Variants in ZNF235 observed in about 807,000 individuals in gnomAD.
ZNF235 encodes the protein zfp-93.
Under a neutral mutation model 29.4 loss-of-function variants are expected in ZNF235, and 25 were observed. The ratio of observed to expected loss-of-function variants is 0.85; its 90% CI spans 0.62 to 1.19. The LOEUF is 1.19. Ranked by LOEUF, ZNF235 falls within the 50% of genes most tolerant of loss-of-function variation. The pLI is 0.00. For synonymous variants in ZNF235, 300 were observed against 295.3 expected (o/e 1.02, Z -0.16); for missense variants, 788 against 885.0 (o/e 0.89, Z 1.39).
Position 44,287,593 on chromosome 19 carries a change from A to T in ZNF235, c.1842T>A (p.Leu614=), listed in dbSNP as rs763162176. 14 of 1,613,974 alleles carry T rather than the reference A, an allele frequency of 8.7e-6. No homozygotes were observed. The African/African-American group carries it at 1.2e-4, about 14-fold the overall frequency. ...CQKRFSQASH[L]QAHQRVHTGE... is the part of the protein sequence containing the mutation. The stretch of plus-strand genomic sequence containing the variant: ...CGGTGTGGACTCTCTGATGGGCTTG[A>T]AGGTGTGAGGCCTGACTGAATCGCT... Residue 614 remains leucine (L), a synonymous_variant, in exon 5 of 5, where the codon CTT becomes CTA. Transcript: ENST00000291182.
intron 2 of ZNF235, among the ~76,000 whole-genome samples, chr19:44,301,828 T>G (rs1041694842): frequency 1.3e-5 from 2 of 152,156 alleles, no homozygotes; most frequent in Non-Finnish European, 2.9e-5. Context: ...CAGCTGGGCA[T>G]TGAGTGGACT....
chr19:44,297,755 G>A (rs573355538), intron 4 of ZNF235, among the ~76,000 whole-genome samples: 5 of 152,190 alleles, frequency 3.3e-5, no homozygotes, highest in South Asian at 4.1e-4. Flanking sequence ...GAGCCACCGC[G>A]CCCAGCTGGA....
In ZNF235 at chr19:44,288,232, T is replaced by C. The variant is rs1339076297; in HGVS notation, c.1203A>G (p.Lys401=). The change falls in exon 5 of 5, where the codon AAA becomes AAG. Residue 401 remains lysine, a synonymous_variant. Coordinates refer to ENST00000291182, the MANE Select transcript of ZNF235 (RefSeq NM_004234.4). ...NIHCRVHTGE[K]PYKCEVCGKG... is the part of the protein sequence containing the mutation. ...TCCCACACACCTCACATTTATAAGG[T>C]TTCTCTCCAGTGTGAACTCTGCAAT... 5 of 1,613,984 alleles carry C rather than the reference T, an allele frequency of 3.1e-6. No individual in the cohort carries two copies. Among genetic ancestry groups the C allele is most frequent in the African/African-American group, 1.3e-5 (1 of 74,908 alleles).
intron 2 of ZNF235, among the ~76,000 whole-genome samples, chr19:44,300,515 G>A (rs903415045): frequency 6.6e-6 from 1 of 151,900 alleles, no homozygotes; most frequent in Non-Finnish European, 1.5e-5. Context: ...TTTTTACATA[G>A]ATCTTAGCCA....
intron 4 of ZNF235, chr19:44,290,668 G>T: frequency 6.4e-6 from 1 of 156,968 alleles, no homozygotes; most frequent in South Asian, 1.9e-4. Context: ...AACACATGCT[G>T]ACATATTGAA....
intron 4 of ZNF235, chr19:44,290,941 G>C (rs757009214): frequency 6.6e-6 from 1 of 151,962 alleles, no homozygotes; most frequent in Admixed American, 6.6e-5. Context: ...TCAGCAGTCA[G>C]AAAACAAAAC....
At chr19:44,296,505 T>A (rs1409513461) in intron 4 of ZNF235, among the ~76,000 whole-genome samples, 1 of 152,184 alleles carries the variant, frequency 6.6e-6, no homozygotes, top group Non-Finnish European at 1.5e-5. Context: ...ACAAATGGCA[T>A]CCTACTAAGT....
At chr19:44,303,158 GTATA>G (rs200125921) in intron 2 of ZNF235, among the ~76,000 whole-genome samples, 4,141 of 140,128 alleles carry the variant, frequency 0.03, 199 homozygotes, top group African/African-American at 0.1. Context: ...AAATATATAC[GTATA>G]TATAAATATA....
intron 4 of ZNF235, chr19:44,289,428 G>A (rs183125862): frequency 2.4e-4 from 108 of 449,444 alleles, no homozygotes; most frequent in Admixed American, 9.4e-4. Context: ...GTATGGTTAA[G>A]GTGTATCTTG....
At position 44,288,497 on chromosome 19, in the gene ZNF235, C is replaced by G. The variant is rs148447275; in HGVS notation, c.938G>C (p.Arg313Pro). 3 of 1,614,130 alleles carry G rather than the reference C, an allele frequency of 1.9e-6. No homozygotes were observed. The highest frequency in any genetic ancestry group is 1.7e-5 in the Admixed American group (1 of 60,012). The change falls in exon 5 of 5, where the codon CGT (arginine) becomes CCT (proline). Residue 313 changes from arginine to proline, a missense_variant. Coordinates refer to ENST00000291182, the MANE Select transcript of ZNF235 (RefSeq NM_004234.4). ...ACACCAATAGCGTTTTTTCCCAGTACGAACACTTTGTTGAACAGGAATACC... is the reference window on the plus strand; with the variant it reads ...ACACCAATAGCGTTTTTTCCCAGTAGGAACACTTTGTTGAACAGGAATACC... Reference protein sequence around the residue: ...SSGIPVQQSVRTGKKRYWCHE... With the variant: ...SSGIPVQQSVPTGKKRYWCHE...
rs1409515984 is a variant in ZNF235 at position 44,287,975 on chromosome 19, T to C, written c.1460A>G (p.Tyr487Cys). ...ACCCTTACCACACTCTTCACATTTATATGGTTTTTCTCCTGTGTGGACTCG... is the reference window on the plus strand; with the variant it reads ...ACCCTTACCACACTCTTCACATTTACATGGTTTTTCTCCTGTGTGGACTCG... ...HQRVHTGEKP[Y>C]KCEECGKGFS... is the part of the protein sequence containing the mutation. The change falls in exon 5 of 5, where the codon TAT becomes TGT. Residue 487 changes from tyrosine to cysteine, a missense_variant. Tyr to Cys is a radical substitution (Grantham distance 194). Coordinates refer to ENST00000291182, the MANE Select transcript of ZNF235 (RefSeq NM_004234.4). 3 of 1,614,172 alleles carry C rather than the reference T, an allele frequency of 1.9e-6. No individual in the cohort carries two copies. Among genetic ancestry groups the C allele is most frequent in the East Asian group, 4.5e-5 (2 of 44,888 alleles).
In ZNF235 at chr19:44,305,024, C is replaced by G; in HGVS notation, c.-102G>C. On this transcript the variant is annotated 5_prime_UTR_variant, in exon 1 of 5. Transcript: ENST00000291182. The stretch of plus-strand genomic sequence containing the variant: ...TCGCCTTCCTGGAGCGGAAGTGCCT[C>G]CGAGTGCCCACGGTTCGTGGACTCC... The G allele has an allele frequency of 1.2e-6, 1 of 821,456 alleles. No individual in the cohort carries two copies. Among genetic ancestry groups the G allele is most frequent in the Non-Finnish European group, 1.5e-6 (1 of 680,196 alleles). The allele number at this position is 821,456 out of a possible 1,614,324, so 50.9% of individuals were successfully genotyped here. A position where few individuals can be genotyped will look rare whatever the true frequency, so the allele number is the denominator to read the frequency against.
intron 2 of ZNF235, among the ~76,000 whole-genome samples, chr19:44,300,388 T>C (rs1233053314): frequency 6.6e-6 from 1 of 152,200 alleles, no homozygotes; most frequent in Non-Finnish European, 1.5e-5. Context: ...ATCTATTTCA[T>C]CCCATTCATA....
Position 44,286,443 on chromosome 19 carries a change from A to G in ZNF235, c.*775T>C, listed in dbSNP as rs1318465048. On this transcript the variant is annotated 3_prime_UTR_variant, in exon 5 of 5. Coordinates refer to ENST00000291182, the MANE Select transcript of ZNF235 (RefSeq NM_004234.4). ...GTACAGCTTAGTGTCCAAAAATTCTAATCATGTAAATTGCAGGGTCACATT... is the reference window on the plus strand; with the variant it reads ...GTACAGCTTAGTGTCCAAAAATTCTGATCATGTAAATTGCAGGGTCACATT... The G allele has an allele frequency of 6.6e-6, 1 of 152,242 alleles. No individual in the cohort carries two copies. The highest frequency in any genetic ancestry group is 2.4e-5 in the African/African-American group (1 of 41,478). 9.4% of individuals were successfully genotyped at this position (152,242 alleles called of 1,614,324 possible).
rs755551741 is a variant in ZNF235 at position 44,288,572 on chromosome 19, T to C, written c.863A>G (p.Lys288Arg). ...ATGTGTACTACACGCTGGAGACTTCTTTCCCAAGTGTACCTGTTTATGAAG... is the reference window on the plus strand; with the variant it reads ...ATGTGTACTACACGCTGGAGACTTCCTTCCCAAGTGTACCTGTTTATGAAG... Reference protein sequence around the residue: ...LELHKQVHLGKKSPACSTHEK... With the variant: ...LELHKQVHLGRKSPACSTHEK... The change falls in exon 5 of 5, where the codon AAG becomes AGG. Residue 288 changes from lysine (K) to arginine (R), a missense_variant. Coordinates refer to ENST00000291182, the MANE Select transcript of ZNF235 (RefSeq NM_004234.4). 1.9e-5 allele frequency: 31 copies of C among 1,614,040 alleles called. No homozygotes were observed. The African/African-American group carries it at 3.7e-4, about 19-fold the overall frequency.
At chr19:44,303,041 T>C (rs918910516) in intron 2 of ZNF235, among the ~76,000 whole-genome samples, 6 of 140,830 alleles carry the variant, frequency 4.3e-5, no homozygotes, top group Admixed American at 2.2e-4. Context: ...GTATATATTG[T>C]ATACATTTAT....
intron 2 of ZNF235, among the ~76,000 whole-genome samples, chr19:44,300,045 G>C (rs927511617): frequency 7.2e-5 from 11 of 152,086 alleles, no homozygotes; most frequent in African/African-American, 2.7e-4. Context: ...AATCCAACAG[G>C]CCTTCATAAA....
At chr19:44,300,802 T>A (rs964083624) in intron 2 of ZNF235, among the ~76,000 whole-genome samples, 1 of 139,450 alleles carries the variant, frequency 7.2e-6, no homozygotes, top group South Asian at 2.2e-4. Context: ...ATCATGTCAC[T>A]GCACTCCAGC....
chr19:44,288,281 C>A lies in ZNF235; in HGVS notation c.1154G>T (p.Ser385Ile), dbSNP rs746678482. 2.5e-6 allele frequency: 4 copies of A among 1,614,036 alleles called. No homozygotes were observed. The highest frequency in any genetic ancestry group is 1.7e-5 in the Admixed American group (1 of 60,002). ...ATGAATGTTAAGATCTGTGCTACGACTGAAGCCCTTCCCACAACTGTCACA... is the reference window on the plus strand; with the variant it reads ...ATGAATGTTAAGATCTGTGCTACGAATGAAGCCCTTCCCACAACTGTCACA... ...YRCDSCGKGF[S>I]RSTDLNIHCR... The change falls in exon 5 of 5, where the codon AGT (serine) becomes ATT (isoleucine). Residue 385 changes from serine to isoleucine, a missense_variant. Coordinates refer to ENST00000291182, the MANE Select transcript of ZNF235 (RefSeq NM_004234.4).
Sources: allele counts gnomAD v4.1 joint callset (sites outside exome capture counted in the v4.1 genomes callset), GRCh38; gene constraint gnomAD v4.1.1; transcripts MANE v1.5; gene names NCBI Gene and HGNC (gene_info 2026-07-23, HGNC 2026-07-21).